Variants in TTN observed in about 807,000 individuals in gnomAD.
The protein encoded by TTN is titin, also known as connectin.
TTN carries 1,525 observed loss-of-function variants against 3,223.0 expected under a neutral mutation model. The observed-to-expected ratio is 0.47, with a 90% confidence interval of 0.45 to 0.49. TTN has a LOEUF of 0.49. Among genes scored for constraint, TTN ranks in the 20% least tolerant of loss-of-function variants. The pLI is 0.00. For missense variants in TTN, 40,786 were observed against 43,424.0 expected, an observed-to-expected ratio of 0.94 and a Z score of 5.40; for synonymous variants, 14,094 against 15,161.0, an observed-to-expected ratio of 0.93 and a Z score of 5.17.
At chr2:178,691,537 A>G (rs941980036) in intron 121 of TTN, among the ~76,000 whole-genome samples, 12 of 152,186 alleles carry the variant, frequency 7.9e-5, no homozygotes, top group Non-Finnish European at 1.5e-4. Flanking sequence ...ACTCGCCACT[A>G]TTGACTTTTA....
Position 178,533,536 on chromosome 2 carries a change from G to A in TTN, c.103079C>T (p.Thr34360Ile), listed in dbSNP as rs1381303905. ...VTLHPPPTDSTLRPMFKRLLA... is the reference protein window; with the variant it reads ...VTLHPPPTDSILRPMFKRLLA... ...TAACCTTTTGAACATGGGTCTTAAG[G>A]TACTATCTGTTGGAGGTGGGTGTAG... The change falls in exon 358 of 363, where the codon ACC becomes ATC. Residue 34360 changes from threonine (T) to isoleucine (I), a missense_variant. Transcript: ENST00000589042. The A allele has an allele frequency of 6.2e-7, 1 of 1,613,868 alleles. No homozygotes were observed. The highest frequency in any genetic ancestry group is 1.7e-5 in the Admixed American group (1 of 60,008).
At chr2:178,583,380 G>T in intron 312 of TTN, 153 bp from the exon 313 acceptor site, 1 of 864,932 alleles carries the variant, frequency 1.2e-6, no homozygotes, top group Non-Finnish European at 1.7e-6. Context: ...AATAATAACT[G>T]CACTATTGAA....
Position 178,534,527 on chromosome 2 carries a change from C to G in TTN, c.102088G>C (p.Ala34030Pro). ...NQQIIENIMN[A>P]EYTFDEEAFK... ...GCTTCCTCATCGAAAGTATATTCAG[C>G]ATTCATGATATTCTCAATGATCTGT... The change falls in exon 358 of 363, where the codon GCT becomes CCT. Residue 34030 changes from alanine (A) to proline (P), a missense_variant. Coordinates refer to ENST00000589042, the MANE Select transcript of TTN (RefSeq NM_001267550.2). 1 of 1,613,870 alleles carries G rather than the reference C, an allele frequency of 6.2e-7. No homozygotes were observed. The highest frequency in any genetic ancestry group is 8.5e-7 in the Non-Finnish European group (1 of 1,179,810).
rs2154134838 is a variant in TTN, at chr2:178,533,033, C to T, written c.103582G>A (p.Glu34528Lys). The change falls in exon 358 of 363, where the codon GAA becomes AAA. Residue 34528 changes from glutamate (E) to lysine (K), a missense_variant. By Grantham distance (56) the Glu-to-Lys change is moderately conservative (BLOSUM62 1). Coordinates refer to ENST00000589042, the MANE Select transcript of TTN (RefSeq NM_001267550.2). ...TVKGEFRLEI[E>K]EKKEERKLRM... is the part of the protein sequence containing the mutation. The stretch of plus-strand genomic sequence containing the variant: ...AGTTTTCTCTCCTCCTTCTTTTCTT[C>T]TATCTCAAGTCTGAATTCCCCTTTT... 1.9e-6 allele frequency: 3 copies of T among 1,613,910 alleles called. No individual in the cohort carries two copies. Among genetic ancestry groups the T allele is most frequent in the Non-Finnish European group, 1.7e-6 (2 of 1,179,856 alleles).
In TTN at chr2:178,605,062, C is replaced by T. The variant is rs765148928; in HGVS notation, c.54115G>A (p.Asp18039Asn). ...GCAGTAACTGTGTAAGTGCCTTTGT[C>T]CTCCCGGACCGCTTTGGGAATGCTA... ...ELSIPKAVRE[D>N]KGTYTVTASN... The change falls in exon 280 of 363, where the codon GAC becomes AAC. Residue 18039 changes from aspartate to asparagine, a missense_variant. Physicochemically the swap from Asp to Asn is conservative, Grantham distance 23. Coordinates refer to ENST00000589042, the MANE Select transcript of TTN (RefSeq NM_001267550.2). The T allele has an allele frequency of 7.2e-5, 116 of 1,612,210 alleles. No individual in the cohort carries two copies. The highest frequency in any genetic ancestry group is 9.1e-5 in the Non-Finnish European group (107 of 1,178,950).
rs1553829479 is a variant in TTN at position 178,679,669 on chromosome 2, G to A, written c.33594C>T (p.Pro11198=). Reference sequence around the variant, plus strand: ...TCTTCTCTTCTGGAACAGGTTTCCTGGGTACCTCAGGCACTTTAAAGATAT... The same window carrying A: ...TCTTCTCTTCTGGAACAGGTTTCCTAGGTACCTCAGGCACTTTAAAGATAT... ...PVIPVKVPEV[P]RKPVPEEKKP... is the part of the protein sequence containing the mutation. The change falls in exon 141 of 363, where the codon CCC becomes CCT. Residue 11198 remains proline (P), a synonymous_variant. Transcript: ENST00000589042. 3.1e-6 allele frequency: 5 copies of A among 1,608,480 alleles called. No homozygotes were observed. The highest frequency in any genetic ancestry group is 3.4e-6 in the Non-Finnish European group (4 of 1,178,236).
In TTN at chr2:178,574,797, T is replaced by G. The variant is rs1575793122; in HGVS notation, c.71335A>C (p.Thr23779Pro). The change falls in exon 326 of 363, where the codon ACC becomes CCC. Residue 23779 changes from threonine to proline, a missense_variant. Physicochemically the swap from Thr to Pro is conservative, Grantham distance 38 (BLOSUM62 -1). Coordinates refer to ENST00000589042, the MANE Select transcript of TTN (RefSeq NM_001267550.2). ...TDSTTWVELA[T>P]TVIRTTYKAT... Reference sequence around the variant, plus strand: ...TTATAGGTAGTACGTATAACGGTGGTTGCTAACTCAACCCAGGTAGTACTG... The same window carrying G: ...TTATAGGTAGTACGTATAACGGTGGGTGCTAACTCAACCCAGGTAGTACTG... 1.2e-5 allele frequency: 19 copies of G among 1,612,214 alleles called. No individual in the cohort carries two copies. The highest frequency in any genetic ancestry group is 1.6e-5 in the Non-Finnish European group (19 of 1,178,844).
intron 2 of TTN, among the ~76,000 whole-genome samples, chr2:178,804,011 T>C (rs1366180597): frequency 6.6e-6 from 1 of 152,220 alleles, no homozygotes; most frequent in Non-Finnish European, 1.5e-5. Context: ...AGTCTTTTAA[T>C]TCATTAGAAT....
At chr2:178,663,593 A>C (rs1361983459) in intron 171 of TTN, 34 bp downstream of exon 171, 1 of 1,613,686 alleles carries the variant, frequency 6.2e-7, no homozygotes, top group Admixed American at 1.7e-5. Context: ...CAGAAGAGAT[A>C]CATCATCTGA....
rs376611533 is a variant in TTN at position 178,560,467 on chromosome 2, C to T, written c.85665G>A (p.Thr28555=). Residue 28555 remains threonine (T), a synonymous_variant, in exon 326 of 363, where the codon ACG becomes ACA. Transcript: ENST00000589042. The part of the protein sequence containing the change: ...LDPFTVPSPP[T]SLEITSVTKE... ...TGGTCACAGAAGTAATTTCCAAAGACGTGGGTGGACTTGGAACTGTAAATG... is the reference window on the plus strand; with the variant it reads ...TGGTCACAGAAGTAATTTCCAAAGATGTGGGTGGACTTGGAACTGTAAATG... The T allele has an allele frequency of 1.8e-5, 29 of 1,613,174 alleles. No individual in the cohort carries two copies. The highest frequency in any genetic ancestry group is 8.3e-5 in the Admixed American group (5 of 59,930).
At position 178,562,841 on chromosome 2, in the gene TTN, A is replaced by G; in HGVS notation, c.83291T>C (p.Leu27764Pro). 6.2e-7 allele frequency: 1 copy of G among 1,613,064 alleles called. No homozygotes were observed. Among genetic ancestry groups the G allele is most frequent in the Non-Finnish European group, 8.5e-7 (1 of 1,179,512 alleles). Reference sequence around the variant, plus strand: ...ATTCACAGGGGCACTTGGTGAGTCAAGAACTCTGACGTTAACAAAAGCTGT... The same window carrying G: ...ATTCACAGGGGCACTTGGTGAGTCAGGAACTCTGACGTTAACAAAAGCTGT... ...SKTAFVNVRV[L>P]DSPSAPVNLT... Residue 27764 changes from leucine (L) to proline (P), a missense_variant, in exon 326 of 363, where the codon CTT becomes CCT. Physicochemically the swap from Leu to Pro is moderately conservative, Grantham distance 98. Transcript: ENST00000589042.
rs368023868 is a variant in TTN at position 178,564,071 on chromosome 2, A to C, written c.82061T>G (p.Val27354Gly). 31 of 1,613,644 alleles carry C rather than the reference A, an allele frequency of 1.9e-5. No individual in the cohort carries two copies. The African/African-American group carries it at 3.7e-4, about 19-fold the overall frequency. The stretch of plus-strand genomic sequence containing the variant: ...GATGGGTATAGACTTTGTACCACCA[A>C]CATTGCTGAGTTTCAGAATATATTG... ...GGQYILKLSNVGGTKSIPITV... is the reference protein window; with the variant it reads ...GGQYILKLSNGGGTKSIPITV... Residue 27354 changes from valine to glycine, a missense_variant, in exon 326 of 363, where the codon GTT (valine) becomes GGT (glycine). Physicochemically the swap from Val to Gly is moderately radical, Grantham distance 109. Transcript: ENST00000589042.
chr2:178,776,866 T>C lies in TTN; in HGVS notation c.4998A>G (p.Thr1666=). The part of the protein sequence containing the change: ...PERKLIIPRG[T]YRAKEIAAPE... ...GGGCTGCAATCTCCTTTGCTCTATA[T>C]GTCCCCCGTGGGATGATTAACTTTC... The change falls in exon 28 of 363, where the codon ACA becomes ACG. Residue 1666 remains threonine, a synonymous_variant. Transcript: ENST00000589042. 6.2e-7 allele frequency: 1 copy of C among 1,613,676 alleles called. No homozygotes were observed. Among genetic ancestry groups the C allele is most frequent in the Non-Finnish European group, 8.5e-7 (1 of 1,179,920 alleles).
Position 178,696,862 on chromosome 2 carries a change from G to A in TTN, c.30802+259C>T, listed in dbSNP as rs897006748. ...GTGTTAACTACAATAAAAAAATAAG[G>A]AATGGCCCTTCCTTTCTAGCCCTCA... On this transcript the variant is annotated intron_variant, in intron 113 of 362. Coordinates refer to ENST00000589042, the MANE Select transcript of TTN (RefSeq NM_001267550.2). 2.0e-5 allele frequency among the ~76,000 whole-genome samples: 3 copies of A among 151,928 alleles called. No individual in the cohort carries two copies. In the South Asian group the frequency reaches 6.2e-4, roughly 32 times the overall value.
intron 127 of TTN, among the ~76,000 whole-genome samples, chr2:178,687,693 A>C (rs2071266009): frequency 6.6e-6 from 1 of 152,196 alleles, no homozygotes; most frequent in African/African-American, 2.4e-5. Flanking sequence ...ATAATATAAA[A>C]TATATTTCTG....
In TTN at chr2:178,685,147, T is replaced by C. The variant is rs570718979; in HGVS notation, c.32470+106A>G. Reference sequence around the variant, plus strand: ...TTCATACATGTGTTCTGACAAAACGTAGACAGTTATGCAAATTGTTATGCA... The same window carrying C: ...TTCATACATGTGTTCTGACAAAACGCAGACAGTTATGCAAATTGTTATGCA... On this transcript the variant is annotated intron_variant, in intron 129 of 362. Transcript: ENST00000589042. 7 of 1,202,812 alleles carry C rather than the reference T, an allele frequency of 5.8e-6. No homozygotes were observed. In the African/African-American group the frequency reaches 9.3e-5, roughly 16 times the overall value. 74.5% of individuals were successfully genotyped at this position (1,202,812 alleles called of 1,614,324 possible).
Position 178,537,934 on chromosome 2 carries a change from ATAATAT to A in TTN, c.99290-23_99290-18del. On this transcript the variant is annotated intron_variant, in intron 354 of 362. Coordinates refer to ENST00000589042, the MANE Select transcript of TTN (RefSeq NM_001267550.2). ...CCTCTCCAGCTGAACAATATGAAAG[ATAATAT>A]TAAGTGACTGTTAATACTCAATCTG... 1.3e-6 allele frequency: 2 copies of A among 1,573,968 alleles called. No individual in the cohort carries two copies. Among genetic ancestry groups the A allele is most frequent in the Non-Finnish European group, 1.7e-6 (2 of 1,157,598 alleles).
At position 178,651,534 on chromosome 2, in the gene TTN, G is replaced by T. The variant is rs72650064; in HGVS notation, c.39466C>A (p.Pro13156Thr). Residue 13156 changes from proline (P) to threonine (T), a missense_variant and splice_region_variant, in exon 207 of 363, where the codon CCC (proline) becomes ACC (threonine). Pro to Thr is a conservative substitution (Grantham distance 38, BLOSUM62 -1). Transcript: ENST00000589042. The stretch of plus-strand genomic sequence containing the variant: ...GGAACAACCTCCTTGGGCACCTCGG[G>T]CACTATAAAAGATATTAGTAGTTGT... The part of the protein sequence containing the change: ...KKPELPPVKV[P>T]EVPKEVVPEK... The T allele has an allele frequency of 7.4e-4, 1,196 of 1,612,820 alleles. 8 individuals are homozygous for T. The highest frequency in any genetic ancestry group is 2.6e-3 in the Middle Eastern group (16 of 6,048).
intron 102 of TTN, 56 bp downstream of exon 102, chr2:178,706,398 G>A (rs1007540644): frequency 2.9e-5 from 44 of 1,509,148 alleles, no homozygotes; most frequent in Middle Eastern, 2.2e-4. Context: ...CTGTGGATGC[G>A]GAACCCACTT....
Sources: gnomAD v4.1 joint callset for allele counts (sites outside exome capture counted in the v4.1 genomes callset) on GRCh38, gnomAD v4.1.1 for gene constraint, MANE v1.5 for transcripts, NCBI Gene and HGNC (gene_info 2026-07-23, HGNC 2026-07-21) for gene names.